ASXL2: variants seen among roughly 807,000 people sequenced by gnomAD.
The protein encoded by ASXL2 is ASXL transcriptional regulator 2, also known as putative Polycomb group protein ASXL2.
A neutral mutation model predicts 122.0 loss-of-function variants in ASXL2; 23 were observed. The observed-to-expected ratio is 0.19, with a 90% CI of 0.14 to 0.27. ASXL2 has a LOEUF of 0.27. Ranked by LOEUF, ASXL2 falls within the 10% of genes least tolerant of loss-of-function variation. The probability of loss-of-function intolerance (pLI) is 1.00; values close to 1 mark genes in which losing one functional copy is unlikely to be tolerated. For synonymous variants in ASXL2, 650 were observed against 637.0 expected, an observed-to-expected ratio of 1.02 and a Z score of -0.31; for missense variants, 1,518 against 1,713.8, an observed-to-expected ratio of 0.89 and a Z score of 2.02.
chr2:25,795,353 C>G (rs1017716103), intron 5 of ASXL2, among the ~76,000 whole-genome samples: 1 of 152,118 alleles, frequency 6.6e-6, no homozygotes, highest in African/African-American at 2.4e-5. Flanking sequence ...TTGTTCATGT[C>G]TTCTATTATT....
intron 5 of ASXL2, among the ~76,000 whole-genome samples, chr2:25,790,918 C>A (rs1370626694): frequency 2.0e-5 from 3 of 151,374 alleles, no homozygotes; most frequent in Non-Finnish European, 2.9e-5. Flanking sequence ...ATCCTCCCAC[C>A]TTGGCCTCCC....
At chr2:25,839,768 G>A (rs1241339263) in intron 2 of ASXL2, among the ~76,000 whole-genome samples, 4 of 150,906 alleles carry the variant, frequency 2.7e-5, no homozygotes, top group Non-Finnish European at 5.9e-5. Flanking sequence ...GGAGGCTGGA[G>A]TTTGAATCAC....
intron 10 of ASXL2, among the ~76,000 whole-genome samples, chr2:25,755,694 G>T (rs2088118600): frequency 6.6e-6 from 1 of 152,146 alleles, no homozygotes; most frequent in Admixed American, 6.5e-5. Context: ...TTATTAGGGA[G>T]CCTAATACAA....
intron 3 of ASXL2, among the ~76,000 whole-genome samples, chr2:25,807,088 A>C (rs2089093652): frequency 6.6e-6 from 1 of 152,204 alleles, no homozygotes; most frequent in South Asian, 2.1e-4. Flanking sequence ...ATTAGGTAGC[A>C]AGCAAACACA....
chr2:25,749,652 G>T, intron 12 of ASXL2, 44 bp downstream of exon 12: 1 of 1,429,728 alleles, frequency 7.0e-7, no homozygotes, highest in Non-Finnish European at 9.2e-7. Context: ...AAAAACATAG[G>T]GTTCAGACGA....
chr2:25,799,797 G>A (rs1389424080), intron 4 of ASXL2, among the ~76,000 whole-genome samples: 1 of 151,994 alleles, frequency 6.6e-6, no homozygotes, highest in African/African-American at 2.4e-5. Flanking sequence ...CAAAAATTGG[G>A]TAGATATGAG....
intron 11 of ASXL2, among the ~76,000 whole-genome samples, chr2:25,751,231 G>T: frequency 6.6e-6 from 1 of 152,206 alleles, no homozygotes; most frequent in Non-Finnish European, 1.5e-5. Context: ...GAGATGGAAT[G>T]GTTAGGGACA....
intron 9 of ASXL2, 68 bp from the exon 10 acceptor site, chr2:25,756,182 T>A: frequency 1.1e-6 from 1 of 878,016 alleles, no homozygotes; most frequent in East Asian, 2.8e-5. Context: ...TATTTGACCT[T>A]CCTTTCATTT....
At chr2:25,840,309 C>A (rs1426836310) in intron 2 of ASXL2, among the ~76,000 whole-genome samples, 1 of 152,156 alleles carries the variant, frequency 6.6e-6, no homozygotes, top group Admixed American at 6.6e-5. Flanking sequence ...GGGCTAGTAC[C>A]TGAATCTTTC....
intron 5 of ASXL2, among the ~76,000 whole-genome samples, 196 bp from the exon 6 acceptor site, chr2:25,771,736 T>C (rs1559506546): frequency 6.6e-6 from 1 of 152,184 alleles, no homozygotes; most frequent in Admixed American, 6.5e-5. Flanking sequence ...TGAAGGATGA[T>C]AGGATAGGGA....
At chr2:25,763,914 A>G (rs149920497) in intron 8 of ASXL2, among the ~76,000 whole-genome samples, 15 of 152,338 alleles carry the variant, frequency 9.8e-5, no homozygotes, top group African/African-American at 3.6e-4. Flanking sequence ...ACAGTCCATG[A>G]TATCTGACCA....
At chr2:25,859,887 A>G (rs571687455) in intron 1 of ASXL2, among the ~76,000 whole-genome samples, 97 of 152,358 alleles carry the variant, frequency 6.4e-4, no homozygotes, top group African/African-American at 2.3e-3. Context: ...AAATCTCAAA[A>G]TAAGTTTAAA....
intron 3 of ASXL2, among the ~76,000 whole-genome samples, chr2:25,812,064 T>C (rs1225738089): frequency 6.6e-6 from 1 of 151,994 alleles, no homozygotes; most frequent in African/African-American, 2.4e-5. Flanking sequence ...GATATTGTAC[T>C]ATATTTACAT....
chr2:25,860,962 A>G (rs979197674), intron 1 of ASXL2, among the ~76,000 whole-genome samples: 3 of 152,060 alleles, frequency 2.0e-5, no homozygotes, highest in Non-Finnish European at 2.9e-5. Flanking sequence ...CAGTGAGCTG[A>G]GATCACACCA....
chr2:25,865,993 T>C (rs573603055), intron 1 of ASXL2, among the ~76,000 whole-genome samples: 2 of 152,060 alleles, frequency 1.3e-5, no homozygotes, highest in Non-Finnish European at 2.9e-5. Context: ...ATGACAGCTG[T>C]GACCTTTACT....
intron 2 of ASXL2, among the ~76,000 whole-genome samples, chr2:25,837,088 G>C (rs976378901): frequency 3.2e-5 from 4 of 123,154 alleles, no homozygotes; most frequent in African/African-American, 1.2e-4. Context: ...GGGGGGTGGG[G>C]GGGGGGGGCG....
At chr2:25,781,650 G>A (rs1267446322) in intron 5 of ASXL2, among the ~76,000 whole-genome samples, 2 of 147,248 alleles carry the variant, frequency 1.4e-5, no homozygotes, top group South Asian at 2.1e-4. Context: ...AAGTAGCTGG[G>A]ACTACAGGTA....
intron 3 of ASXL2, among the ~76,000 whole-genome samples, chr2:25,821,003 A>T (rs2149181358): frequency 6.6e-6 from 1 of 151,806 alleles, no homozygotes; most frequent in African/African-American, 2.4e-5. Flanking sequence ...CCCATGGAGA[A>T]ACCCCGTCTC....
In ASXL2 at chr2:25,736,774, G is replaced by C. The variant is rs2087742654; in HGVS notation, c.*5255C>G. On this transcript the variant is annotated 3_prime_UTR_variant, in exon 13 of 13. Transcript: ENST00000435504. ...CTACAATAAAAAGTCAGTTTTATGG[G>C]TCATCAAGATACACTCTCGAAAATC... The C allele has an allele frequency of 6.6e-6, 1 of 152,076 alleles. No homozygotes were observed. The highest frequency in any genetic ancestry group is 1.5e-5 in the Non-Finnish European group (1 of 68,010). The allele number at this position is 152,076 out of a possible 1,614,324, so 9.4% of individuals were successfully genotyped here. A position where few individuals can be genotyped will look rare whatever the true frequency, so the allele number is the denominator to read the frequency against.
Sources: allele counts gnomAD v4.1 joint callset (sites outside exome capture counted in the v4.1 genomes callset), GRCh38; gene constraint gnomAD v4.1.1; transcripts MANE v1.5; gene names NCBI Gene and HGNC (gene_info 2026-07-23, HGNC 2026-07-21).